TLN2: variants seen among roughly 807,000 people sequenced by gnomAD.
The protein encoded by TLN2 is talin-2.
TLN2 carries 118 observed loss-of-function variants against 294.7 expected under a neutral mutation model. The observed-to-expected ratio is 0.40, with a 90% CI of 0.34 to 0.47. The LOEUF (loss-of-function observed/expected upper bound fraction) is 0.47. Ranked by LOEUF, TLN2 falls within the 20% of genes least tolerant of loss-of-function variation. The pLI, the probability that TLN2 is intolerant of heterozygous loss-of-function variation, is 0.84. For missense variants in TLN2, 3,083 were observed against 3,282.2 expected (o/e 0.94, Z 1.48); for synonymous variants, 1,431 against 1,304.5 (o/e 1.10, Z -2.09).
chr15:62,717,617 C>G lies in TLN2; in HGVS notation c.2805C>G (p.Ile935Met). ...CCGCAGCGGCAGCCACACAGACCAT[C>G]GCCGCCTCCCAGAATGCAGCTGTTT... is the stretch of plus-strand genomic sequence containing the variant. ...KQAAAAATQT[I>M]AASQNAAVSN... The change falls in exon 24 of 59, where the codon ATC becomes ATG. Residue 935 changes from isoleucine (I) to methionine (M), a missense_variant. Coordinates refer to ENST00000636159, the MANE Select transcript of TLN2 (RefSeq NM_015059.3). 1 of 1,603,274 alleles carries G rather than the reference C, an allele frequency of 6.2e-7. No homozygotes were observed. The highest frequency in any genetic ancestry group is 8.5e-7 in the Non-Finnish European group (1 of 1,175,630).
At chr15:62,580,953 G>A (rs1425377588) in intron 1 of TLN2, among the ~76,000 whole-genome samples, 2 of 149,404 alleles carry the variant, frequency 1.3e-5, no homozygotes, top group African/African-American at 2.5e-5. Flanking sequence ...ACAGGATCTC[G>A]GCTCTCAGCA....
chr15:62,501,552 C>A (rs2039308524), intron 1 of TLN2, among the ~76,000 whole-genome samples: 1 of 152,172 alleles, frequency 6.6e-6, no homozygotes, highest in Admixed American at 6.5e-5. Context: ...TAGGGCTTTT[C>A]ATGATTCTGT....
chr15:62,518,657 G>C (rs573562377), intron 1 of TLN2, among the ~76,000 whole-genome samples: 1 of 152,204 alleles, frequency 6.6e-6, no homozygotes, highest in African/African-American at 2.4e-5. Context: ...GAGTGCAGTG[G>C]CGCGATCTTG....
At chr15:62,825,813 T>TAATA (rs1555521956) in intron 54 of TLN2, among the ~76,000 whole-genome samples, 1 of 3,190 alleles carries the variant, frequency 3.1e-4, no homozygotes, top group Admixed American at 7.1e-3. Flanking sequence ...ATATATTATA[T>TAATA]TATAATATAT....
chr15:62,628,943 G>A (rs767674922), intron 3 of TLN2, among the ~76,000 whole-genome samples: 20 of 152,218 alleles, frequency 1.3e-4, no homozygotes, highest in South Asian at 4.1e-4. Context: ...AGCACTCTGG[G>A]AGGCCAAGGT....
chr15:62,640,119 A>C (rs2050844656), intron 3 of TLN2: 1 of 453,416 alleles, frequency 2.2e-6, no homozygotes, highest in South Asian at 1.6e-5. Flanking sequence ...CATTTGCAGC[A>C]CTTCTGGGTG....
intron 46 of TLN2, among the ~76,000 whole-genome samples, chr15:62,794,243 A>T (rs148542231): frequency 2.3e-4 from 35 of 152,208 alleles, no homozygotes; most frequent in African/African-American, 8.4e-4. Context: ...CCACCAAAGG[A>T]GAGGAGGTGG....
At chr15:62,640,415 T>C in intron 3 of TLN2, 1 of 452,554 alleles carries the variant, frequency 2.2e-6, no homozygotes, top group Non-Finnish European at 4.4e-6. Flanking sequence ...CTTGTAGACC[T>C]CCACGGCCCC....
At chr15:62,414,179 T>C (rs2033949890) in intron 1 of TLN2, among the ~76,000 whole-genome samples, 1 of 124,328 alleles carries the variant, frequency 8.0e-6, no homozygotes, top group Non-Finnish European at 1.6e-5. Context: ...TATATATATA[T>C]ATATATATAT....
At chr15:62,802,165 A>G (rs958851738) in intron 50 of TLN2, among the ~76,000 whole-genome samples, 5 of 147,450 alleles carry the variant, frequency 3.4e-5, no homozygotes, top group Non-Finnish European at 7.4e-5. Flanking sequence ...CTCTATCTCC[A>G]TGAGTTCAAT....
At chr15:62,576,865 G>A (rs2044463376) in intron 1 of TLN2, among the ~76,000 whole-genome samples, 2 of 152,156 alleles carry the variant, frequency 1.3e-5, no homozygotes, top group Non-Finnish European at 2.9e-5. Flanking sequence ...AGTCCTTGCT[G>A]TCCCGTGAGA....
At chr15:62,829,943 T>C (rs1319985837) in intron 54 of TLN2, 1 of 152,234 alleles carries the variant, frequency 6.6e-6, no homozygotes, top group Admixed American at 6.5e-5. Flanking sequence ...TCTCCAGTTC[T>C]AGCCATGTGG....
chr15:62,656,479 T>C (rs1242704051), intron 8 of TLN2, among the ~76,000 whole-genome samples: 1 of 152,204 alleles, frequency 6.6e-6, no homozygotes, highest in Non-Finnish European at 1.5e-5. Flanking sequence ...CTGGAAGATA[T>C]CCTCTCAATA....
chr15:62,532,586 C>T (rs7165893), intron 1 of TLN2, among the ~76,000 whole-genome samples: 12,470 of 152,150 alleles, frequency 0.082, 1,122 homozygotes, highest in African/African-American at 0.23. Context: ...CCTGCAATAC[C>T]CTTGCAAGAG....
chr15:62,572,167 G>A (rs2043927954), intron 1 of TLN2, among the ~76,000 whole-genome samples: 1 of 152,150 alleles, frequency 6.6e-6, no homozygotes, highest in South Asian at 2.1e-4. Context: ...CAACTGGTGG[G>A]TGTCCTGAAT....
At chr15:62,490,138 A>G (rs1333457343) in intron 1 of TLN2, among the ~76,000 whole-genome samples, 3 of 152,238 alleles carry the variant, frequency 2.0e-5, no homozygotes, top group Non-Finnish European at 4.4e-5. Context: ...GCACTGAGAC[A>G]TAATCCACAG....
chr15:62,480,742 C>T (rs1208554487), intron 1 of TLN2, among the ~76,000 whole-genome samples: 2 of 152,196 alleles, frequency 1.3e-5, no homozygotes, highest in Non-Finnish European at 2.9e-5. Flanking sequence ...TGTCTTCCCT[C>T]ATTGTGCCGG....
At chr15:62,595,658 C>T (rs1008343055) in intron 2 of TLN2, among the ~76,000 whole-genome samples, 5 of 152,134 alleles carry the variant, frequency 3.3e-5, no homozygotes, top group African/African-American at 1.2e-4. Flanking sequence ...ATGGAATCAA[C>T]ATAAGTGTCC....
At chr15:62,708,336 G>C (rs990608253) in intron 20 of TLN2, among the ~76,000 whole-genome samples, 166 bp from the exon 21 acceptor site, 4 of 152,146 alleles carry the variant, frequency 2.6e-5, no homozygotes, top group African/African-American at 9.7e-5. Flanking sequence ...CTGAAGCAAT[G>C]GTTTCATTGA....
Sources: gnomAD v4.1 joint callset for allele counts (sites outside exome capture counted in the v4.1 genomes callset) on GRCh38, gnomAD v4.1.1 for gene constraint, MANE v1.5 for transcripts, NCBI Gene and HGNC (gene_info 2026-07-23, HGNC 2026-07-21) for gene names.